SLC9A7: variants seen among roughly 807,000 people sequenced by gnomAD.
SLC9A7 encodes the protein solute carrier family 9 member A7.
In SLC9A7, 19 loss-of-function variants were observed where a neutral mutation model predicts 52.6. That is an observed-to-expected ratio of 0.36 (90% confidence interval 0.25 to 0.53). SLC9A7 has a LOEUF of 0.53. Ranked by LOEUF, SLC9A7 falls within the 20% of genes least tolerant of loss-of-function variation. The pLI, the probability that SLC9A7 is intolerant of heterozygous loss-of-function variation, is 0.91. For synonymous variants in SLC9A7, 226 were observed against 252.1 expected (o/e 0.90, Z 0.98); for missense variants, 455 against 597.9 (o/e 0.76, Z 2.49).
At chrX:46,654,973 T>C (rs1368453780) in intron 7 of SLC9A7, among the ~76,000 whole-genome samples, 1 of 104,138 alleles carries the variant, frequency 9.6e-6, no homozygotes, top group Non-Finnish European at 2.0e-5. Flanking sequence ...TTTCTTTCTT[T>C]CTTTCTTTCT....
intron 15 of SLC9A7, among the ~76,000 whole-genome samples, chrX:46,618,769 C>T (rs1942994124): frequency 9.0e-6 from 1 of 111,128 alleles, no homozygotes; most frequent in African/African-American, 3.3e-5. Context: ...CATGGTAAAA[C>T]CTCCTATCTA....
intron 12 of SLC9A7, among the ~76,000 whole-genome samples, chrX:46,642,421 G>A (rs1943421312): frequency 8.9e-6 from 1 of 112,441 alleles, no homozygotes; most frequent in Non-Finnish European, 1.9e-5. Flanking sequence ...AGTGGCCAGA[G>A]CACATCCAGT....
intron 1 of SLC9A7, among the ~76,000 whole-genome samples, chrX:46,729,891 A>C (rs1356956657): frequency 1.8e-5 from 2 of 112,510 alleles, no homozygotes; most frequent in Non-Finnish European, 3.8e-5. Context: ...TTTCTGAATA[A>C]AATTTCAGAT....
chrX:46,667,727 T>C, intron 5 of SLC9A7, among the ~76,000 whole-genome samples: 1 of 112,005 alleles, frequency 8.9e-6, no homozygotes, highest in African/African-American at 3.2e-5. Flanking sequence ...ATTGGAGACA[T>C]TGAGCAGACC....
At chrX:46,714,303 A>G (rs1944736598) in intron 1 of SLC9A7, among the ~76,000 whole-genome samples, 1 of 111,575 alleles carries the variant, frequency 9.0e-6, no homozygotes, top group Non-Finnish European at 1.9e-5. Flanking sequence ...CATACTTCCA[A>G]TTCCAAAGCC....
chrX:46,742,684 T>A (rs140923563), intron 1 of SLC9A7, among the ~76,000 whole-genome samples: 1,503 of 112,277 alleles, frequency 0.013, 29 homozygotes, highest in African/African-American at 0.046. Context: ...TATCTATCTA[T>A]ATGTTAAAAT....
rs1240868766 is a variant in SLC9A7, at chrX:46,601,671, C to T, written c.*5281G>A. ...TTTGTCTGATCACCCCAGTAACCAC[C>T]CTGGATGCTCGGATCCATATGCCCT... On this transcript the variant is annotated 3_prime_UTR_variant, in exon 17 of 17. Coordinates refer to ENST00000616978, the MANE Select transcript of SLC9A7 (RefSeq NM_001257291.2). 3.6e-5 allele frequency: 4 copies of T among 112,560 alleles called. No individual in the cohort carries two copies. Among genetic ancestry groups the T allele is most frequent in the Non-Finnish European group, 7.5e-5 (4 of 53,283 alleles). The allele number at this position is 112,560 out of a possible 1,213,427, so 9.3% of individuals were successfully genotyped here.
intron 1 of SLC9A7, among the ~76,000 whole-genome samples, chrX:46,748,686 A>C (rs1309341020): frequency 9.1e-6 from 1 of 109,752 alleles, no homozygotes; most frequent in African/African-American, 3.3e-5. Context: ...AAATGAAATA[A>C]GCCAGACACA....
chrX:46,728,220 AAGAC>A (rs1944975214), intron 1 of SLC9A7, among the ~76,000 whole-genome samples: 1 of 112,031 alleles, frequency 8.9e-6, no homozygotes. Flanking sequence ...AGGAAATGAA[AAGAC>A]AGGCCACAGA....
At chrX:46,730,156 G>T (rs901740510) in intron 1 of SLC9A7, among the ~76,000 whole-genome samples, 2 of 110,751 alleles carry the variant, frequency 1.8e-5, no homozygotes, top group Admixed American at 9.6e-5. Context: ...ATTTACACTA[G>T]AAATCCTAAT....
intron 2 of SLC9A7, among the ~76,000 whole-genome samples, chrX:46,681,326 T>C (rs1195872333): frequency 1.8e-5 from 2 of 112,118 alleles, no homozygotes; most frequent in Admixed American, 9.4e-5. Context: ...AGCCATTAAG[T>C]GTGGTATTTA....
chrX:46,643,480 CTATT>C, intron 11 of SLC9A7, 91 bp from the exon 12 acceptor site: 3 of 920,732 alleles, frequency 3.3e-6, no homozygotes, highest in Non-Finnish European at 4.6e-6. Context: ...CTAATAAACT[CTATT>C]CATTCATGCT....
intron 15 of SLC9A7, among the ~76,000 whole-genome samples, chrX:46,619,275 G>A (rs1029310630): frequency 8.9e-6 from 1 of 111,843 alleles, no homozygotes; most frequent in African/African-American, 3.3e-5. Context: ...GGTAGGATGT[G>A]GAGTAACTGG....
chrX:46,700,102 C>CA lies in SLC9A7; in HGVS notation c.326-17568dup, dbSNP rs368524447. Reference sequence around the variant, plus strand: ...CCTGAGTGACAGCGAAACCTTGTCTCAAAAAAAAAAAAAAATCACAGATAT... The same window carrying CA: ...CCTGAGTGACAGCGAAACCTTGTCTCAAAAAAAAAAAAAAAATCACAGATAT... On this transcript the variant is annotated intron_variant, in intron 1 of 16. Transcript: ENST00000616978. Among the ~76,000 whole-genome samples the CA allele has an allele frequency of 6.6e-3, 588 of 88,553 alleles. 3 individuals are homozygous for CA. Among genetic ancestry groups the CA allele is most frequent in the African/African-American group, 0.016 (385 of 24,568 alleles). 76.9% of individuals were successfully genotyped at this position (88,553 alleles called of 115,157 possible).
In SLC9A7 at chrX:46,736,884, G is replaced by A. The variant is rs887287184; in HGVS notation, c.325+21821C>T. ...TGCTTGTTAGCTTTATAGTAAGGAG[G>A]TGAGAAATGGGGGTATTCTGATATT... is the stretch of plus-strand genomic sequence containing the variant. On this transcript the variant is annotated intron_variant, in intron 1 of 16. Coordinates refer to ENST00000616978, the MANE Select transcript of SLC9A7 (RefSeq NM_001257291.2). Among the ~76,000 whole-genome samples the A allele has an allele frequency of 7.2e-5, 8 of 111,014 alleles. No individual in the cohort carries two copies. In the East Asian group the frequency reaches 8.4e-4, roughly 12 times the overall value.
intron 16 of SLC9A7, among the ~76,000 whole-genome samples, chrX:46,610,623 A>AAGC (rs896785548): frequency 9.0e-6 from 1 of 111,608 alleles, no homozygotes; most frequent in Non-Finnish European, 1.9e-5. Flanking sequence ...CCCCGGCTCA[A>AAGC]AGCAGCAGCA....
chrX:46,693,451 C>T lies in SLC9A7; in HGVS notation c.326-10916G>A, dbSNP rs369625422. On this transcript the variant is annotated intron_variant, in intron 1 of 16. Coordinates refer to ENST00000616978, the MANE Select transcript of SLC9A7 (RefSeq NM_001257291.2). ...GGTGTGTTTATGGTTAATTGATTTTCGATAAAGATGACAATGCAATTCAAT... is the reference window on the plus strand; with the variant it reads ...GGTGTGTTTATGGTTAATTGATTTTTGATAAAGATGACAATGCAATTCAAT... Among the ~76,000 whole-genome samples the T allele has an allele frequency of 1.9e-3, 216 of 111,065 alleles. 1 individual carries two copies. Among genetic ancestry groups the T allele is most frequent in the African/African-American group, 6.8e-3 (208 of 30,660 alleles).
At chrX:46,632,262 CAA>C (rs1943234282) in intron 13 of SLC9A7, among the ~76,000 whole-genome samples, 1 of 112,130 alleles carries the variant, frequency 8.9e-6, no homozygotes, top group Non-Finnish European at 1.9e-5. Flanking sequence ...TGCATATTGA[CAA>C]AGAGTCTCTC....
intron 3 of SLC9A7, among the ~76,000 whole-genome samples, chrX:46,674,697 G>A (rs928996754): frequency 8.9e-6 from 1 of 111,808 alleles, no homozygotes; most frequent in Non-Finnish European, 1.9e-5. Flanking sequence ...AGGACAGGAG[G>A]TGTCCGGTAA....
Sources: allele counts gnomAD v4.1 joint callset (sites outside exome capture counted in the v4.1 genomes callset), GRCh38; gene constraint gnomAD v4.1.1; transcripts MANE v1.5; gene names NCBI Gene and HGNC (gene_info 2026-07-23, HGNC 2026-07-21).